Variants in KLF15 observed in about 807,000 individuals in gnomAD.
KLF15 encodes the protein KLF transcription factor 15.
KLF15 carries 4 observed loss-of-function variants against 24.6 expected under a neutral mutation model. That is an observed-to-expected ratio of 0.16 (90% confidence interval 0.08 to 0.37). The LOEUF (loss-of-function observed/expected upper bound fraction) is 0.37, where lower values mean the gene tolerates loss of function less well. Among genes scored for constraint, KLF15 ranks in the 10% least tolerant of loss-of-function variants. The pLI is 1.00. For missense variants in KLF15, 496 were observed against 560.6 expected (o/e 0.88, Z 1.16); for synonymous variants, 246 against 236.3 (o/e 1.04, Z -0.37).
chr3:126,310,608 C>T, the KLF15 span, among the ~76,000 whole-genome samples: 1,493 of 152,114 alleles, frequency 9.8e-3, 78 homozygotes, highest in Admixed American at 0.078. Context: ...AGCAAGATGC[C>T]GCAGGGTAGG....
At chr3:126,316,590 G>A in the KLF15 span, among the ~76,000 whole-genome samples, 1 of 150,700 alleles carries the variant, frequency 6.6e-6, no homozygotes, top group East Asian at 2.0e-4. Flanking sequence ...GAAGTCCAGA[G>A]TGGGGAGTGG....
chr3:126,311,821 C>T, the KLF15 span, among the ~76,000 whole-genome samples: 4 of 152,202 alleles, frequency 2.6e-5, no homozygotes, highest in Non-Finnish European at 5.9e-5. Flanking sequence ...CCTAAGAGAT[C>T]GGGAGTGGGC....
At chr3:126,340,987 C>T (rs565724368), downstream of KLF15, among the ~76,000 whole-genome samples, 229 of 152,300 alleles carry the variant, frequency 1.5e-3, no homozygotes, top group African/African-American at 5.2e-3. Context: ...CGCTGTTGCC[C>T]GGGGCCTTTC....
At chr3:126,337,652 G>A (rs2082448624), downstream of KLF15, among the ~76,000 whole-genome samples, 1 of 152,140 alleles carries the variant, frequency 6.6e-6, no homozygotes, top group East Asian at 1.9e-4. Context: ...GGGGTGAAGG[G>A]TGGATATTAA....
At chr3:126,291,662 C>T in the KLF15 span, among the ~76,000 whole-genome samples, 1 of 152,268 alleles carries the variant, frequency 6.6e-6, no homozygotes, top group African/African-American at 2.4e-5. Context: ...TTGATGTGTG[C>T]TTTCTCCAGG....
the KLF15 span, among the ~76,000 whole-genome samples, chr3:126,315,556 G>A: frequency 1.3e-5 from 2 of 152,192 alleles, no homozygotes; most frequent in South Asian, 2.1e-4. Flanking sequence ...GGGAAGTCAG[G>A]GGGGACAGGA....
At chr3:126,350,751 CAAAG>C (rs2082575881) in intron 2 of KLF15, among the ~76,000 whole-genome samples, 1 of 152,258 alleles carries the variant, frequency 6.6e-6, no homozygotes, top group East Asian at 1.9e-4. Flanking sequence ...CAGACAGACA[CAAAG>C]AAAGCAAGAT....
At position 126,343,968 on chromosome 3, in the gene KLF15, G is replaced by A. The variant is rs573493461; in HGVS notation, c.1083-73C>T. The A allele has an allele frequency of 1.2e-4, 172 of 1,439,230 alleles. 1 individual carries two copies. The South Asian group carries it at 2.2e-3, about 18-fold the overall frequency. The allele number at this position is 1,439,230 out of a possible 1,614,324, so 89.2% of individuals were successfully genotyped here. A position where few individuals can be genotyped will look rare whatever the true frequency, so the allele number is the denominator to read the frequency against. On this transcript the variant is annotated intron_variant, in intron 2 of 2. Transcript: ENST00000296233. ...CCTGCCCCGACCCCACGAAGTTGCC[G>A]GGATGCAAGGCGTGCACCTGGCACT... is the stretch of plus-strand genomic sequence containing the variant.
chr3:126,302,562 G>T, the KLF15 span, among the ~76,000 whole-genome samples: 7 of 152,150 alleles, frequency 4.6e-5, no homozygotes, highest in South Asian at 1.5e-3. Flanking sequence ...GTATTTTGAG[G>T]TTCTGTTATT....
the KLF15 span, among the ~76,000 whole-genome samples, chr3:126,309,169 CAA>C: frequency 6.6e-6 from 1 of 152,186 alleles, no homozygotes; most frequent in South Asian, 2.1e-4. Context: ...GAATCTAGAA[CAA>C]AACAATGCAT....
chr3:126,314,998 G>A, the KLF15 span, among the ~76,000 whole-genome samples: 1 of 152,186 alleles, frequency 6.6e-6, no homozygotes, highest in Non-Finnish European at 1.5e-5. Context: ...AGTCCAGGAT[G>A]AAACTGCGGC....
chr3:126,291,554 A>C, the KLF15 span, among the ~76,000 whole-genome samples: 1 of 152,276 alleles, frequency 6.6e-6, no homozygotes, highest in Non-Finnish European at 1.5e-5. Context: ...AGTAAACTGC[A>C]AACGAGTGTT....
chr3:126,341,600 G>C (rs1254673099), downstream of KLF15, among the ~76,000 whole-genome samples: 1 of 152,162 alleles, frequency 6.6e-6, no homozygotes, highest in African/African-American at 2.4e-5. Flanking sequence ...TGGCCAGTCA[G>C]GATAGGATGT....
At chr3:126,293,179 G>A in the KLF15 span, among the ~76,000 whole-genome samples, 7 of 151,792 alleles carry the variant, frequency 4.6e-5, no homozygotes, top group African/African-American at 1.7e-4. Context: ...GCCAGGTGTG[G>A]TGGTGCACAC....
the KLF15 span, among the ~76,000 whole-genome samples, chr3:126,309,958 C>T: frequency 6.6e-6 from 1 of 152,180 alleles, no homozygotes; most frequent in Admixed American, 6.5e-5. Context: ...GTTTGTCCCG[C>T]AAAAATGGAA....
the KLF15 span, among the ~76,000 whole-genome samples, chr3:126,318,603 T>C: frequency 0.027 from 4,158 of 152,234 alleles, 138 homozygotes; most frequent in African/African-American, 0.074. Flanking sequence ...TTTAAGAAAA[T>C]CTTCAAAAGT....
chr3:126,330,045 A>G, the KLF15 span, among the ~76,000 whole-genome samples: 3 of 152,270 alleles, frequency 2.0e-5, no homozygotes, highest in South Asian at 6.2e-4. Flanking sequence ...AGTGGGTCAG[A>G]GCAGACAGGA....
the KLF15 span, among the ~76,000 whole-genome samples, chr3:126,296,560 T>G: frequency 3.3e-5 from 5 of 152,238 alleles, no homozygotes; most frequent in Non-Finnish European, 7.3e-5. Context: ...TTAGATGCCT[T>G]GTCTTTTCAA....
At chr3:126,322,427 A>G in the KLF15 span, among the ~76,000 whole-genome samples, 1 of 152,138 alleles carries the variant, frequency 6.6e-6, no homozygotes, top group Admixed American at 6.5e-5. Flanking sequence ...ACAGCTTGGC[A>G]TCCTCCAGTC....
Sources: allele counts gnomAD v4.1 joint callset (sites outside exome capture counted in the v4.1 genomes callset), GRCh38; gene constraint gnomAD v4.1.1; transcripts MANE v1.5; gene names NCBI Gene and HGNC (gene_info 2026-07-23, HGNC 2026-07-21).